The following AGBL1 variants were observed in gnomAD, a reference collection of about 807,000 sequenced individuals.
AGBL1 encodes AGBL carboxypeptidase 1, also known as cytosolic carboxypeptidase 4.
A neutral mutation model predicts 118.9 loss-of-function variants in AGBL1; 130 were observed. That is an observed-to-expected ratio of 1.09 (90% CI 0.95 to 1.26). The LOEUF is 1.26. AGBL1 is among the 50% of genes most tolerant of loss of function. The pLI, the probability that AGBL1 is intolerant of heterozygous loss-of-function variation, is 0.00. For missense variants in AGBL1, 1,584 were observed against 1,298.1 expected, an observed-to-expected ratio of 1.22 and a Z score of -3.38; for synonymous variants, 555 against 478.9, an observed-to-expected ratio of 1.16 and a Z score of -2.08.
At chr15:86,442,418 G>A (rs1424334518) in intron 18 of AGBL1, among the ~76,000 whole-genome samples, 3 of 152,138 alleles carry the variant, frequency 2.0e-5, no homozygotes, top group Non-Finnish European at 4.4e-5. Flanking sequence ...TTCCTCATTT[G>A]TAAGTGAATA....
intron 22 of AGBL1, among the ~76,000 whole-genome samples, chr15:86,696,525 G>A (rs1435283062): frequency 2.0e-5 from 3 of 151,266 alleles, no homozygotes; most frequent in East Asian, 1.9e-4. Flanking sequence ...ATACTTGGCC[G>A]GTGAATTCTT....
At chr15:86,953,844 G>A (rs1013379417) in intron 23 of AGBL1, among the ~76,000 whole-genome samples, 1 of 152,060 alleles carries the variant, frequency 6.6e-6, no homozygotes, top group East Asian at 1.9e-4. Context: ...GGTTTTCTGG[G>A]TATAGAATTA....
At chr15:86,884,754 G>T (rs539169043) in intron 22 of AGBL1, among the ~76,000 whole-genome samples, 2 of 152,348 alleles carry the variant, frequency 1.3e-5, no homozygotes, top group East Asian at 1.9e-4. Flanking sequence ...AGAGGCTGGA[G>T]TGAGCTGAGA....
chr15:86,574,835 C>T (rs1482863781), intron 21 of AGBL1, among the ~76,000 whole-genome samples: 1 of 151,694 alleles, frequency 6.6e-6, no homozygotes, highest in Non-Finnish European at 1.5e-5. Flanking sequence ...TCCTTGGCCT[C>T]CCAAAGTGCT....
intron 1 of AGBL1, among the ~76,000 whole-genome samples, chr15:86,130,532 G>A (rs781014085): frequency 3.9e-5 from 6 of 151,998 alleles, no homozygotes; most frequent in Non-Finnish European, 7.4e-5. Flanking sequence ...ATTAGAACTG[G>A]ATTTACCACC....
At chr15:86,598,157 A>G (rs2084438155) in intron 21 of AGBL1, among the ~76,000 whole-genome samples, 1 of 152,102 alleles carries the variant, frequency 6.6e-6, no homozygotes, top group African/African-American at 2.4e-5. Context: ...ATTCACTGCT[A>G]GAGGATTGTC....
At chr15:86,675,966 G>T (rs1759006602) in intron 22 of AGBL1, among the ~76,000 whole-genome samples, 1 of 152,146 alleles carries the variant, frequency 6.6e-6, no homozygotes, top group African/African-American at 2.4e-5. Flanking sequence ...TAAAGAATTT[G>T]ATGTCAGGCT....
chr15:86,370,303 T>C (rs1379918314), intron 17 of AGBL1, among the ~76,000 whole-genome samples: 3 of 105,086 alleles, frequency 2.9e-5, no homozygotes, highest in Admixed American at 1.0e-4. Flanking sequence ...CTCTATTCCT[T>C]TTTTTTTTTT....
chr15:86,482,224 A>G (rs2082661034), intron 18 of AGBL1, among the ~76,000 whole-genome samples: 1 of 152,270 alleles, frequency 6.6e-6, no homozygotes, highest in East Asian at 1.9e-4. Context: ...GTACTTCCTG[A>G]ATGCTCAGGT....
Position 86,889,558 on chromosome 15 carries a change from A to G in AGBL1, c.3159-17529A>G, listed in dbSNP as rs1596596444. Reference sequence around the variant, plus strand: ...CTCTCCCTTCCCCCACCTGGCCCCCAACGGCAGGCCCCAGTGTGTGTTATT... The same window carrying G: ...CTCTCCCTTCCCCCACCTGGCCCCCGACGGCAGGCCCCAGTGTGTGTTATT... On this transcript the variant is annotated intron_variant, in intron 22 of 22. Transcript: ENST00000614907. Among the ~76,000 whole-genome samples, 5 of 151,986 alleles carry G rather than the reference A, an allele frequency of 3.3e-5. No homozygotes were observed. The East Asian group carries it at 7.7e-4, about 23-fold the overall frequency.
intron 22 of AGBL1, among the ~76,000 whole-genome samples, chr15:86,718,385 G>A (rs759972286): frequency 3.3e-5 from 5 of 152,240 alleles, no homozygotes; most frequent in African/African-American, 7.2e-5. Flanking sequence ...CTGGGGCCTC[G>A]TGGGGTGGGT....
chr15:86,337,990 G>C (rs185524242), intron 17 of AGBL1, among the ~76,000 whole-genome samples: 1 of 152,082 alleles, frequency 6.6e-6, no homozygotes, highest in Non-Finnish European at 1.5e-5. Context: ...GGAGAGATGC[G>C]GTGAGTAGGA....
intron 23 of AGBL1, among the ~76,000 whole-genome samples, chr15:86,927,118 G>T (rs1276897045): frequency 6.6e-6 from 1 of 151,540 alleles, no homozygotes. Flanking sequence ...CACCCCAGGC[G>T]ACAGTGTGAG....
rs763189229 is a variant in AGBL1 at position 86,267,069 on chromosome 15, G to A, written c.1831G>A (p.Val611Met). The A allele has an allele frequency of 6.4e-7, 1 of 1,561,130 alleles. No homozygotes were observed. Residue 611 changes from valine (V) to methionine (M), a missense_variant, in exon 13 of 23, where the codon GTG becomes ATG. By Grantham distance (21) the Val-to-Met change is conservative (BLOSUM62 1). Coordinates refer to ENST00000614907, the MANE Select transcript of AGBL1 (RefSeq NM_001386094.1). ...ESGNLRKAIQ[V>M]REFEYDLLVN... ...AGGAAATCTTCGCAAAGCCATCCAA[G>A]TGCGTGAGTAAGTAAGGAAAACCAC...
At chr15:86,388,287 C>A (rs373280925) in intron 17 of AGBL1, among the ~76,000 whole-genome samples, 1 of 152,212 alleles carries the variant, frequency 6.6e-6, no homozygotes, top group East Asian at 1.9e-4. Context: ...TGCTTATTAG[C>A]ACTAGCATCT....
intron 6 of AGBL1, among the ~76,000 whole-genome samples, chr15:86,226,926 A>T (rs2078374188): frequency 6.6e-6 from 1 of 152,212 alleles, no homozygotes; most frequent in African/African-American, 2.4e-5. Context: ...CAAGCTTTTG[A>T]GGGAGAGAGT....
intron 23 of AGBL1, among the ~76,000 whole-genome samples, chr15:86,982,159 T>A (rs1433680025): frequency 2.0e-5 from 3 of 152,182 alleles, no homozygotes; most frequent in Non-Finnish European, 4.4e-5. Flanking sequence ...CAGAAAGAGT[T>A]TCTTATCCCT....
intron 22 of AGBL1, among the ~76,000 whole-genome samples, chr15:86,695,895 G>T (rs60913263): frequency 0.011 from 1,726 of 152,004 alleles, 26 homozygotes; most frequent in East Asian, 0.07. Context: ...TCATGTATTT[G>T]CATGGTTATG....
intron 18 of AGBL1, among the ~76,000 whole-genome samples, chr15:86,402,198 A>G (rs979504400): frequency 1.3e-5 from 2 of 150,908 alleles, no homozygotes; most frequent in African/African-American, 4.9e-5. Context: ...TTATTTATTT[A>G]TTTATTTATT....
Sources: allele counts gnomAD v4.1 joint callset (sites outside exome capture counted in the v4.1 genomes callset), GRCh38; gene constraint gnomAD v4.1.1; transcripts MANE v1.5; gene names NCBI Gene and HGNC (gene_info 2026-07-23, HGNC 2026-07-21).